Variants in PCDHA4 observed in about 807,000 individuals in gnomAD.
The protein encoded by PCDHA4 is protocadherin alpha-4.
PCDHA4 carries 49 observed loss-of-function variants against 61.4 expected under a neutral mutation model. The ratio of observed to expected loss-of-function variants is 0.80; its 90% confidence interval spans 0.63 to 1.01. The LOEUF is 1.01. PCDHA4 is among the 50% of genes least tolerant of loss of function. The probability of loss-of-function intolerance (pLI) is 0.00; values close to 1 mark genes in which losing one functional copy is unlikely to be tolerated. For synonymous variants in PCDHA4, 590 were observed against 550.3 expected, an observed-to-expected ratio of 1.07 and a Z score of -1.01; for missense variants, 1,254 against 1,235.8, an observed-to-expected ratio of 1.01 and a Z score of -0.22.
At chr5:140,863,467 G>C (rs2048034330) in intron 1 of PCDHA4, 2 of 502,402 alleles carry the variant, frequency 4.0e-6, no homozygotes, top group Non-Finnish European at 7.8e-6. Context: ...TTTTACTCTG[G>C]AGAGTCGCCT....
chr5:140,907,863 C>T (rs763021038), intron 1 of PCDHA4, among the ~76,000 whole-genome samples: 4 of 152,208 alleles, frequency 2.6e-5, no homozygotes, highest in African/African-American at 7.2e-5. Context: ...TGAGGCCAGC[C>T]GTTGGTGAGC....
chr5:140,878,011 A>G (rs1008308579), intron 1 of PCDHA4: 1 of 843,992 alleles, frequency 1.2e-6, no homozygotes, highest in Non-Finnish European at 1.7e-6. Flanking sequence ...TCTAACATTA[A>G]TGAAGGAAAT....
At chr5:140,829,754 G>T (rs2150173940) in intron 1 of PCDHA4, 3 of 1,613,740 alleles carry the variant, frequency 1.9e-6, no homozygotes, top group Non-Finnish European at 2.5e-6. Context: ...GCAGGTGTTC[G>T]TGCTGGACGA....
At chr5:140,857,662 TGGG>T (rs782196034) in intron 1 of PCDHA4, 1 of 1,596,528 alleles carries the variant, frequency 6.3e-7, no homozygotes. Context: ...GCGCGCGCGA[TGGG>T]GGCGTGCCGC....
rs77098340 is a variant in PCDHA4 at position 140,895,412 on chromosome 5, C to T, written c.2386-83537C>T. 8.0e-3 allele frequency among the ~76,000 whole-genome samples: 1,218 copies of T among 152,216 alleles called. 6 individuals carry two copies. Among genetic ancestry groups the T allele is most frequent in the African/African-American group, 0.019 (785 of 41,528 alleles). On this transcript the variant is annotated intron_variant, in intron 1 of 3. Coordinates refer to ENST00000530339, the MANE Select transcript of PCDHA4 (RefSeq NM_018907.4). The stretch of plus-strand genomic sequence containing the variant: ...CTCAACACCATCAAAAGCCCCATAA[C>T]CTTCTTTTGCTTCCTCCTGAGACTC...
chr5:140,850,116 G>A, intron 1 of PCDHA4: 1 of 1,596,102 alleles, frequency 6.3e-7, no homozygotes, highest in Non-Finnish European at 8.6e-7. Context: ...GCGCGACGCG[G>A]GCGTGCCGCC....
chr5:140,906,023 G>A (rs952070346), intron 1 of PCDHA4, among the ~76,000 whole-genome samples: 7 of 152,128 alleles, frequency 4.6e-5, no homozygotes, highest in Admixed American at 3.3e-4. Flanking sequence ...ATCTCTCCAC[G>A]TTCTTCTGTC....
intron 1 of PCDHA4, chr5:140,841,357 G>T: frequency 6.2e-7 from 1 of 1,613,058 alleles, no homozygotes; most frequent in Non-Finnish European, 8.5e-7. Flanking sequence ...TGGGATCCTG[G>T]CGACTACTAC....
chr5:140,945,715 A>G (rs145543790), intron 1 of PCDHA4, among the ~76,000 whole-genome samples: 3,564 of 152,270 alleles, frequency 0.023, 50 homozygotes, highest in Middle Eastern at 0.034. Context: ...AAAAGTATCA[A>G]GAATATACAA....
chr5:140,958,422 C>A (rs1436234763), intron 1 of PCDHA4, among the ~76,000 whole-genome samples: 1 of 152,120 alleles, frequency 6.6e-6, no homozygotes, highest in African/African-American at 2.4e-5. Context: ...TGGAAAGAAG[C>A]ACTTTTTATA....
chr5:140,931,188 G>A (rs782167226), intron 1 of PCDHA4, among the ~76,000 whole-genome samples: 1 of 152,126 alleles, frequency 6.6e-6, no homozygotes, highest in South Asian at 2.1e-4. Flanking sequence ...GGAAATTGGT[G>A]CACTACAATG....
chr5:140,896,635 C>T (rs539969970), intron 1 of PCDHA4, among the ~76,000 whole-genome samples: 4 of 152,178 alleles, frequency 2.6e-5, no homozygotes, highest in South Asian at 4.1e-4. Context: ...CCTTGGCCTC[C>T]CAAAGTGCTA....
chr5:140,877,321 G>A (rs1554169599), intron 1 of PCDHA4: 2 of 1,614,000 alleles, frequency 1.2e-6, no homozygotes, highest in South Asian at 2.2e-5. Context: ...GGCGGCGGTC[G>A]GCGCGCACAT....
At chr5:140,877,771 AC>A in intron 1 of PCDHA4, 2 of 1,614,178 alleles carry the variant, frequency 1.2e-6, no homozygotes, top group South Asian at 2.2e-5. Flanking sequence ...CCCGCCCAAG[AC>A]GGACCTCATG....
chr5:140,879,926 A>G (rs1214178444), intron 1 of PCDHA4, among the ~76,000 whole-genome samples: 7 of 152,170 alleles, frequency 4.6e-5, no homozygotes, highest in African/African-American at 1.4e-4. Flanking sequence ...TTACAAAGGT[A>G]CATGTGATTG....
rs2126667255 is a variant in PCDHA4 at position 140,815,841 on chromosome 5, T to G, written c.2385+6269T>G. The G allele has an allele frequency of 8.5e-5, 13 of 152,338 alleles. No individual in the cohort carries two copies. The South Asian group carries it at 2.7e-3, about 32-fold the overall frequency. 9.4% of individuals were successfully genotyped at this position (152,338 alleles called of 1,614,324 possible). Reference sequence around the variant, plus strand: ...CTTTTTCATTTTTGAAGACAAACTTTGGTGGATTTGGTATTCTTGGCTGGC... The same window carrying G: ...CTTTTTCATTTTTGAAGACAAACTTGGGTGGATTTGGTATTCTTGGCTGGC... On this transcript the variant is annotated intron_variant, in intron 1 of 3. Coordinates refer to ENST00000530339, the MANE Select transcript of PCDHA4 (RefSeq NM_018907.4).
chr5:140,841,541 C>T, intron 1 of PCDHA4: 3 of 1,613,720 alleles, frequency 1.9e-6, no homozygotes, highest in Non-Finnish European at 2.5e-6. Context: ...ACACCGGGAC[C>T]TTCTGGAGGT....
At position 140,807,383 on chromosome 5, in the gene PCDHA4, G is replaced by T. The variant is rs782782841; in HGVS notation, c.196G>T (p.Val66Leu). Reference protein sequence around the residue: ...LAELVPRLFRVASKGRGGLLE... With the variant: ...LAELVPRLFRLASKGRGGLLE... ...GGAGCTGGTGCCGCGCCTGTTCCGG[G>T]TGGCGTCCAAGGGCCGCGGAGGCCT... Residue 66 changes from valine (V) to leucine (L), a missense_variant, in exon 1 of 4, where the codon GTG becomes TTG. By Grantham distance (32) the Val-to-Leu change is conservative. Transcript: ENST00000530339. The T allele has an allele frequency of 6.2e-7, 1 of 1,602,306 alleles. No individual in the cohort carries two copies. Among genetic ancestry groups the T allele is most frequent in the African/African-American group, 1.4e-5 (1 of 72,216 alleles).
rs368824382 is a variant in PCDHA4 at position 140,807,628 on chromosome 5, G to T, written c.441G>T (p.Pro147=). ...ACCTGTCCATCGCGGAATCCAGGCCGCTTGACTCTCGGTTTCCACTAGAGG... is the reference window on the plus strand; with the variant it reads ...ACCTGTCCATCGCGGAATCCAGGCCTCTTGACTCTCGGTTTCCACTAGAGG... ...QKNLSIAESR[P]LDSRFPLEGA... is the part of the protein sequence containing the mutation. Residue 147 remains proline, a synonymous_variant, in exon 1 of 4, where the codon CCG becomes CCT. Coordinates refer to ENST00000530339, the MANE Select transcript of PCDHA4 (RefSeq NM_018907.4). 6 of 1,614,092 alleles carry T rather than the reference G, an allele frequency of 3.7e-6. No homozygotes were observed. The African/African-American group carries it at 4.0e-5, about 11-fold the overall frequency.
Sources: allele counts gnomAD v4.1 joint callset (sites outside exome capture counted in the v4.1 genomes callset), GRCh38; gene constraint gnomAD v4.1.1; transcripts MANE v1.5; gene names NCBI Gene and HGNC (gene_info 2026-07-23, HGNC 2026-07-21).